The following DCHS2 variants were observed in gnomAD, a reference collection of about 807,000 sequenced individuals.
DCHS2 encodes the protein dachsous cadherin-related 2.
Under a neutral mutation model 182.4 loss-of-function variants are expected in DCHS2, and 142 were observed. The observed-to-expected ratio is 0.78, with a 90% confidence interval of 0.68 to 0.89. The LOEUF (loss-of-function observed/expected upper bound fraction) is 0.89. DCHS2 is among the 40% of genes least tolerant of loss of function. The pLI is 0.00. For missense variants in DCHS2, 4,319 were observed against 4,198.6 expected (o/e 1.03, Z -0.79); for synonymous variants, 1,740 against 1,663.3 (o/e 1.05, Z -1.12).
chr4:154,385,617 G>A (rs1407824993), intron 1 of DCHS2, among the ~76,000 whole-genome samples: 2 of 151,812 alleles, frequency 1.3e-5, no homozygotes, highest in Non-Finnish European at 2.9e-5. Flanking sequence ...CCTCCCAAGT[G>A]CTGAGACTAC....
intron 12 of DCHS2, among the ~76,000 whole-genome samples, chr4:154,299,391 T>G (rs1735111218): frequency 6.6e-6 from 1 of 152,216 alleles, no homozygotes; most frequent in Admixed American, 6.5e-5. Flanking sequence ...AGAATAAAAC[T>G]TAAAATTGAA....
At chr4:154,367,626 T>C (rs1047899200) in intron 2 of DCHS2, among the ~76,000 whole-genome samples, 1 of 152,216 alleles carries the variant, frequency 6.6e-6, no homozygotes, top group South Asian at 2.1e-4. Flanking sequence ...TCTGTTTCTA[T>C]CTGGTACATT....
At chr4:154,306,630 A>G (rs925727608) in intron 10 of DCHS2, among the ~76,000 whole-genome samples, 14 of 152,118 alleles carry the variant, frequency 9.2e-5, no homozygotes, top group Non-Finnish European at 1.6e-4. Context: ...CTCTGTCTTC[A>G]AAAAGATTAC....
chr4:154,378,241 A>G (rs560439635), intron 1 of DCHS2, among the ~76,000 whole-genome samples: 19 of 152,100 alleles, frequency 1.2e-4, no homozygotes, highest in Non-Finnish European at 2.4e-4. Flanking sequence ...AAAGCACTTA[A>G]CTTATTTATA....
intron 7 of DCHS2, among the ~76,000 whole-genome samples, chr4:154,324,230 C>G (rs1736192206): frequency 1.3e-5 from 2 of 152,148 alleles, no homozygotes; most frequent in African/African-American, 4.8e-5. Flanking sequence ...GATGCTCAAA[C>G]TGTCCCATCA....
chr4:154,489,721 C>T lies in DCHS2; in HGVS notation c.1635G>A (p.Lys545=). The T allele has an allele frequency of 6.4e-7, 1 of 1,551,618 alleles. No individual in the cohort carries two copies. The highest frequency in any genetic ancestry group is 8.7e-7 in the Non-Finnish European group (1 of 1,146,940). The stretch of plus-strand genomic sequence containing the variant: ...GGGCCGCGGCCTCGGACACTGAGGC[C>T]TTGTAATGCTGTTGGCTGAAGAGAG... The part of the protein sequence containing the change: ...QPPLFSQQHY[K]ASVSEAAAPG... The change falls in exon 1 of 20, where the codon AAG becomes AAA. Residue 545 remains lysine (K), a synonymous_variant. Transcript: ENST00000357232.
rs757916622 is a variant in DCHS2 at position 154,333,138 on chromosome 4, C to G, written c.3070G>C (p.Gly1024Arg). 6.2e-7 allele frequency: 1 copy of G among 1,614,172 alleles called. No homozygotes were observed. The highest frequency in any genetic ancestry group is 1.1e-5 in the South Asian group (1 of 91,080). ...IRYSIASPQP[G>R]VFAIDRALGV... ...AGGGCTCTGTCGATGGCAAAGACGC[C>G]TGGCTGCGGGCTGGCGATGGAGTAC... Residue 1024 changes from glycine (G) to arginine (R), a missense_variant, in exon 5 of 20, where the codon GGC becomes CGC. Gly to Arg is a moderately radical substitution (Grantham distance 125). Coordinates refer to ENST00000357232, the MANE Select transcript of DCHS2 (RefSeq NM_001358235.2).
intron 6 of DCHS2, 68 bp downstream of exon 6, chr4:154,329,455 C>G: frequency 1.4e-6 from 2 of 1,458,482 alleles, no homozygotes; most frequent in Non-Finnish European, 1.9e-6. Context: ...ACAGGTTTTA[C>G]CACAAGATGG....
intron 13 of DCHS2, among the ~76,000 whole-genome samples, chr4:154,282,277 A>G (rs1054904080): frequency 6.6e-6 from 1 of 152,146 alleles, no homozygotes; most frequent in Non-Finnish European, 1.5e-5. Context: ...TGCAAGCCAC[A>G]TATCTGATGA....
intron 1 of DCHS2, among the ~76,000 whole-genome samples, chr4:154,389,877 C>G (rs990968837): frequency 1.3e-4 from 20 of 152,026 alleles, no homozygotes; most frequent in African/African-American, 4.8e-4. Flanking sequence ...CAGAGCTCCT[C>G]TCTACCAAAC....
chr4:154,385,178 GT>G (rs554662680), intron 1 of DCHS2, among the ~76,000 whole-genome samples: 9 of 149,400 alleles, frequency 6.0e-5, no homozygotes, highest in Admixed American at 1.4e-4. Flanking sequence ...GCGGCGTTTG[GT>G]TTTTTGTCCT....
intron 13 of DCHS2, 45 bp downstream of exon 13, chr4:154,297,806 T>G: frequency 3.2e-6 from 5 of 1,560,710 alleles, no homozygotes; most frequent in Non-Finnish European, 4.3e-6. Flanking sequence ...TTAAGCATTT[T>G]GTCAAAACAG....
At chr4:154,288,317 T>C (rs1401634764) in intron 13 of DCHS2, among the ~76,000 whole-genome samples, 1 of 152,092 alleles carries the variant, frequency 6.6e-6, no homozygotes, top group African/African-American at 2.4e-5. Flanking sequence ...AAAAACTATA[T>C]AGACAAGGAA....
chr4:154,249,586 G>T (rs143956750), intron 16 of DCHS2, among the ~76,000 whole-genome samples: 286 of 152,234 alleles, frequency 1.9e-3, no homozygotes, highest in African/African-American at 5.1e-3. Flanking sequence ...CCAAAGGAAG[G>T]TAGATCATTA....
intron 1 of DCHS2, among the ~76,000 whole-genome samples, chr4:154,405,024 A>G (rs1352548315): frequency 6.6e-6 from 1 of 152,124 alleles, no homozygotes; most frequent in Non-Finnish European, 1.5e-5. Context: ...AGGTGGCTGG[A>G]TCACCTGAGG....
Position 154,478,766 on chromosome 4 carries a change from A to G in DCHS2, c.2052+10538T>C, listed in dbSNP as rs140881143. On this transcript the variant is annotated intron_variant, in intron 1 of 19. Coordinates refer to ENST00000357232, the MANE Select transcript of DCHS2 (RefSeq NM_001358235.2). ...GAAAACAGCCCAGTTAAGAAAAAAC[A>G]GAACTGAAATGGGGCTTTCACAGGT... 3.1e-3 allele frequency among the ~76,000 whole-genome samples: 477 copies of G among 152,348 alleles called. 5 individuals carry two copies. Among genetic ancestry groups the G allele is most frequent in the African/African-American group, 0.011 (454 of 41,582 alleles).
intron 1 of DCHS2, among the ~76,000 whole-genome samples, chr4:154,405,776 T>C (rs1394265387): frequency 6.6e-6 from 1 of 152,240 alleles, no homozygotes; most frequent in Non-Finnish European, 1.5e-5. Flanking sequence ...CTGCTAAATC[T>C]AACCTTTGTG....
At chr4:154,415,748 G>C (rs1342126982) in intron 1 of DCHS2, among the ~76,000 whole-genome samples, 1 of 152,164 alleles carries the variant, frequency 6.6e-6, no homozygotes, top group Non-Finnish European at 1.5e-5. Flanking sequence ...TATGAGATCA[G>C]ATTCAGCCCA....
chr4:154,270,035 A>G (rs757905302), intron 13 of DCHS2, 22 bp from the exon 14 acceptor site: 1 of 1,584,070 alleles, frequency 6.3e-7, no homozygotes. Context: ...AGGTAAAAAA[A>G]GAACTCCATT....
Sources: allele counts gnomAD v4.1 joint callset (sites outside exome capture counted in the v4.1 genomes callset), GRCh38; gene constraint gnomAD v4.1.1; transcripts MANE v1.5; gene names NCBI Gene and HGNC (gene_info 2026-07-23, HGNC 2026-07-21).